Variants in COL11A1 observed in about 807,000 individuals in gnomAD.
The protein encoded by COL11A1 is collagen alpha-1(XI) chain.
COL11A1 carries 74 observed loss-of-function variants against 265.2 expected under a neutral mutation model. The observed-to-expected ratio is 0.28, with a 90% CI of 0.23 to 0.34. The LOEUF (loss-of-function observed/expected upper bound fraction) is 0.34. Among genes scored for constraint, COL11A1 ranks in the 10% least tolerant of loss-of-function variants. The pLI is 1.00. For synonymous variants in COL11A1, 816 were observed against 727.6 expected, an observed-to-expected ratio of 1.12 and a Z score of -1.96; for missense variants, 2,165 against 2,263.6, an observed-to-expected ratio of 0.96 and a Z score of 0.88.
At chr1:102,967,224 A>ATTTTTTTTT (rs1557882148) in intron 37 of COL11A1, among the ~76,000 whole-genome samples, 10 of 41,218 alleles carry the variant, frequency 2.4e-4, no homozygotes, top group East Asian at 1.5e-3. Flanking sequence ...AACATAATAA[A>ATTTTTTTTT]TTCTTTTTTT....
At chr1:103,092,264 A>G (rs187723958) in intron 1 of COL11A1, among the ~76,000 whole-genome samples, 3 of 152,240 alleles carry the variant, frequency 2.0e-5, no homozygotes, top group South Asian at 2.1e-4. Flanking sequence ...ATAAATTTAA[A>G]ACACATTTTT....
At chr1:102,913,381 T>G (rs1417943117) in intron 53 of COL11A1, among the ~76,000 whole-genome samples, 1 of 152,204 alleles carries the variant, frequency 6.6e-6, no homozygotes, top group Non-Finnish European at 1.5e-5. Context: ...CTGAATTTGA[T>G]ATATTGTGAC....
In COL11A1 at chr1:102,934,444, C is replaced by G. The variant is rs1035266713; in HGVS notation, c.3600+5G>C. 4 of 1,596,198 alleles carry G rather than the reference C, an allele frequency of 2.5e-6. No homozygotes were observed. Among genetic ancestry groups the G allele is most frequent in the Non-Finnish European group, 3.4e-6 (4 of 1,163,732 alleles). ...ATGGAGTAAACAATGACAGGATCAT[C>G]TTACCTGAAGACCTATTGGACCAGG... On this transcript the variant is annotated splice_donor_5th_base_variant and intron_variant, in intron 46 of 66. Transcript: ENST00000370096.
intron 1 of COL11A1, among the ~76,000 whole-genome samples, chr1:103,090,555 A>T (rs1365194228): frequency 6.6e-6 from 1 of 152,194 alleles, no homozygotes; most frequent in Non-Finnish European, 1.5e-5. Flanking sequence ...GAACTGCCCA[A>T]CAACTAATCC....
Position 102,965,603 on chromosome 1 carries a change from A to G in COL11A1, c.2863-63T>C, listed in dbSNP as rs1221774431. On this transcript the variant is annotated intron_variant, in intron 37 of 66. Coordinates refer to ENST00000370096, the MANE Select transcript of COL11A1 (RefSeq NM_001854.4). ...AACACAAAGCATAAATCAAAATTCTATGAGATAGCTGAATAAGTCACATTA... is the reference window on the plus strand; with the variant it reads ...AACACAAAGCATAAATCAAAATTCTGTGAGATAGCTGAATAAGTCACATTA... 1.3e-5 allele frequency: 18 copies of G among 1,334,664 alleles called. No homozygotes were observed. The East Asian group carries it at 3.2e-4, about 24-fold the overall frequency. The allele number at this position is 1,334,664 out of a possible 1,614,324, so 82.7% of individuals were successfully genotyped here.
intron 49 of COL11A1, among the ~76,000 whole-genome samples, chr1:102,919,416 A>G (rs1655716334): frequency 6.6e-6 from 1 of 151,700 alleles, no homozygotes; most frequent in Admixed American, 6.6e-5. Context: ...AATATAATAT[A>G]AAATACACAA....
intron 28 of COL11A1, among the ~76,000 whole-genome samples, chr1:102,994,560 T>C (rs1394385831): frequency 6.6e-6 from 1 of 152,114 alleles, no homozygotes; most frequent in Non-Finnish European, 1.5e-5. Context: ...CAATTAAACC[T>C]CTTTTTTATA....
Position 102,876,623 on chromosome 1 carries a change from C to A in COL11A1, c.*1396G>T, listed in dbSNP as rs891565309. ...GGTATGTTCTTTTGTCATAAATTAT[C>A]AGTTGAAACTGTTCCAGTGAAATCT... On this transcript the variant is annotated 3_prime_UTR_variant, in exon 67 of 67. Coordinates refer to ENST00000370096, the MANE Select transcript of COL11A1 (RefSeq NM_001854.4). The A allele has an allele frequency of 3.4e-4, 52 of 152,396 alleles. No homozygotes were observed. The highest frequency in any genetic ancestry group is 1.2e-3 in the African/African-American group (51 of 41,436). 9.4% of individuals were successfully genotyped at this position (152,396 alleles called of 1,614,324 possible).
At chr1:103,082,778 A>G (rs767245258) in intron 2 of COL11A1, 27 bp downstream of exon 2, 3 of 1,583,702 alleles carry the variant, frequency 1.9e-6, no homozygotes, top group Non-Finnish European at 2.6e-6. Flanking sequence ...AGTAATAATA[A>G]CAATAATAAT....
At chr1:103,060,747 A>T (rs1263686407) in intron 4 of COL11A1, among the ~76,000 whole-genome samples, 1 of 152,106 alleles carries the variant, frequency 6.6e-6, no homozygotes, top group Admixed American at 6.6e-5. Context: ...GGATTTATTG[A>T]ACCCAGGAGT....
chr1:102,966,256 A>G (rs1487394986), intron 37 of COL11A1, among the ~76,000 whole-genome samples: 5 of 152,160 alleles, frequency 3.3e-5, no homozygotes, highest in African/African-American at 1.2e-4. Context: ...TACCCATGAG[A>G]GTTAAGTTAC....
chr1:102,962,317 C>A, intron 39 of COL11A1, 52 bp from the exon 40 acceptor site: 1 of 1,368,256 alleles, frequency 7.3e-7, no homozygotes. Context: ...ACACATCTTT[C>A]TACAAACAAA....
At chr1:103,024,917 T>C (rs543737407) in intron 7 of COL11A1, among the ~76,000 whole-genome samples, 1 of 152,256 alleles carries the variant, frequency 6.6e-6, no homozygotes, top group South Asian at 2.1e-4. Context: ...AGAATGCATG[T>C]GAAATATGAA....
intron 46 of COL11A1, among the ~76,000 whole-genome samples, chr1:102,929,033 T>C (rs1335709828): frequency 5.6e-5 from 8 of 142,696 alleles, no homozygotes; most frequent in South Asian, 2.4e-4. Flanking sequence ...TTCTCCCATT[T>C]TGTAGGTTGC....
chr1:103,006,216 G>A (rs1017082152), intron 16 of COL11A1, 46 bp downstream of exon 16: 10 of 713,016 alleles, frequency 1.4e-5, no homozygotes, highest in Non-Finnish European at 2.0e-5. Context: ...TAAAACTAAT[G>A]ATCATGGCAG....
chr1:103,080,852 C>T (rs1323477007), intron 2 of COL11A1, among the ~76,000 whole-genome samples: 1 of 151,828 alleles, frequency 6.6e-6, no homozygotes, highest in African/African-American at 2.4e-5. Flanking sequence ...GATACCTGCA[C>T]TCCTATGTTA....
intron 41 of COL11A1, among the ~76,000 whole-genome samples, chr1:102,956,503 C>A (rs1660384999): frequency 6.6e-6 from 1 of 151,772 alleles, no homozygotes; most frequent in Non-Finnish European, 1.5e-5. Context: ...AAATATTAGA[C>A]AATATAAATT....
At chr1:102,992,586 C>A (rs1308069640) in intron 28 of COL11A1, among the ~76,000 whole-genome samples, 1 of 151,956 alleles carries the variant, frequency 6.6e-6, no homozygotes, top group Non-Finnish European at 1.5e-5. Flanking sequence ...TAATCCTTCA[C>A]AGAGTTTGAA....
chr1:103,102,965 A>C (rs1220228570), intron 1 of COL11A1, among the ~76,000 whole-genome samples: 11 of 152,052 alleles, frequency 7.2e-5, no homozygotes, highest in Non-Finnish European at 1.6e-4. Flanking sequence ...GTGGTAATTA[A>C]ATTTGTAATA....
Sources: allele counts gnomAD v4.1 joint callset (sites outside exome capture counted in the v4.1 genomes callset), GRCh38; gene constraint gnomAD v4.1.1; transcripts MANE v1.5; gene names NCBI Gene and HGNC (gene_info 2026-07-23, HGNC 2026-07-21).